Variants in MACROD2 observed in about 807,000 individuals in gnomAD.
MACROD2 encodes ADP-ribose glycohydrolase MACROD2.
Under a neutral mutation model 70.4 loss-of-function variants are expected in MACROD2, and 36 were observed. The observed-to-expected ratio is 0.51, with a 90% confidence interval of 0.39 to 0.68. The LOEUF (loss-of-function observed/expected upper bound fraction) is 0.68, where lower values mean the gene tolerates loss of function less well. Among genes scored for constraint, MACROD2 ranks in the 30% least tolerant of loss-of-function variants. The pLI is 0.00. For synonymous variants in MACROD2, 172 were observed against 178.8 expected, an observed-to-expected ratio of 0.96 and a Z score of 0.30; for missense variants, 496 against 538.4, an observed-to-expected ratio of 0.92 and a Z score of 0.78.
chr20:15,379,211 C>A (rs1025275106), intron 6 of MACROD2, among the ~76,000 whole-genome samples: 2 of 152,112 alleles, frequency 1.3e-5, no homozygotes, highest in Admixed American at 1.3e-4. Flanking sequence ...ATAAATTACA[C>A]AACACCTAAA....
intron 5 of MACROD2, among the ~76,000 whole-genome samples, chr20:14,977,642 A>G (rs2074753634): frequency 6.6e-6 from 1 of 152,030 alleles, no homozygotes; most frequent in African/African-American, 2.4e-5. Context: ...ATGAGAGTCA[A>G]AAGAGATAAC....
In MACROD2 at chr20:15,829,478, C is replaced by T. The variant is rs115538417; in HGVS notation, c.646-33267C>T. 3.8e-3 allele frequency among the ~76,000 whole-genome samples: 573 copies of T among 152,196 alleles called. 2 individuals are homozygous for T. Among genetic ancestry groups the T allele is most frequent in the African/African-American group, 0.011 (463 of 41,530 alleles). ...TCCAGGCCGTAGATACTATAAACTA[C>T]GTGTAATGACAACTGTGATCTCCTG... On this transcript the variant is annotated intron_variant, in intron 8 of 17. Coordinates refer to ENST00000684519, the MANE Select transcript of MACROD2 (RefSeq NM_001351661.2).
intron 3 of MACROD2, among the ~76,000 whole-genome samples, chr20:14,454,730 C>T (rs112821013): frequency 0.018 from 2,665 of 149,516 alleles, 82 homozygotes; most frequent in African/African-American, 0.061. Context: ...ATGGAGTTTC[C>T]TTTTTCTGTC....
chr20:15,242,159 C>A (rs754967111), intron 6 of MACROD2, among the ~76,000 whole-genome samples: 2 of 152,092 alleles, frequency 1.3e-5, no homozygotes, highest in African/African-American at 2.4e-5. Flanking sequence ...GGTATTCTTG[C>A]CATAGCCACA....
At chr20:15,472,758 G>T (rs974861283) in intron 7 of MACROD2, among the ~76,000 whole-genome samples, 3 of 151,852 alleles carry the variant, frequency 2.0e-5, no homozygotes, top group African/African-American at 7.3e-5. Context: ...ATGTTCCAAT[G>T]TTCTTTCCCA....
At chr20:15,806,869 C>T (rs891837172) in intron 8 of MACROD2, among the ~76,000 whole-genome samples, 7 of 152,050 alleles carry the variant, frequency 4.6e-5, no homozygotes, top group East Asian at 3.9e-4. Flanking sequence ...TGAAAGGAGA[C>T]GTTTAGGAAA....
At chr20:15,348,612 G>C (rs1208714802) in intron 6 of MACROD2, among the ~76,000 whole-genome samples, 3 of 152,116 alleles carry the variant, frequency 2.0e-5, no homozygotes, top group African/African-American at 7.2e-5. Context: ...ACATGGCTGG[G>C]GAGGCCTCAC....
At chr20:14,484,938 T>C (rs536061082) in intron 3 of MACROD2, among the ~76,000 whole-genome samples, 2 of 152,340 alleles carry the variant, frequency 1.3e-5, no homozygotes, top group East Asian at 3.9e-4. Flanking sequence ...CTGATTTTCT[T>C]TCTTTGGGGT....
At chr20:14,716,581 T>G (rs2071399418) in intron 5 of MACROD2, among the ~76,000 whole-genome samples, 1 of 152,182 alleles carries the variant, frequency 6.6e-6, no homozygotes, top group South Asian at 2.1e-4. Flanking sequence ...TTTTCCCCTT[T>G]CTTTTGTGGC....
chr20:16,044,633 C>G lies in MACROD2; in HGVS notation c.1294C>G (p.Leu432Val). The stretch of plus-strand genomic sequence containing the variant: ...AACAGAGAGTCAACAAGAAGATCAA[C>G]TAATAGGTAAGATGCCCCTTGTGGT... ...DPTESQQEDQ[L>V]IAGAQDEAKE... Residue 432 changes from leucine (L) to valine (V), a missense_variant, in exon 17 of 18, where the codon CTA (leucine) becomes GTA (valine). Transcript: ENST00000684519. 1 of 1,611,074 alleles carries G rather than the reference C, an allele frequency of 6.2e-7. No individual in the cohort carries two copies. Among genetic ancestry groups the G allele is most frequent in the South Asian group, 1.1e-5 (1 of 90,924 alleles).
chr20:16,005,167 A>C (rs189140661), intron 15 of MACROD2, among the ~76,000 whole-genome samples: 1 of 152,340 alleles, frequency 6.6e-6, no homozygotes, highest in East Asian at 1.9e-4. Context: ...ACAAGGGTTG[A>C]AAAAAGAGCA....
chr20:15,369,765 G>A (rs1309035526), intron 6 of MACROD2, among the ~76,000 whole-genome samples: 1 of 152,098 alleles, frequency 6.6e-6, no homozygotes, highest in Non-Finnish European at 1.5e-5. Context: ...ATTAGAATTA[G>A]GTTCCGATAA....
At chr20:14,750,790 CAG>C (rs1338009583) in intron 5 of MACROD2, among the ~76,000 whole-genome samples, 13 of 151,902 alleles carry the variant, frequency 8.6e-5, no homozygotes, top group Non-Finnish European at 1.9e-4. Context: ...TATAAATAAT[CAG>C]AGTATAACAA....
chr20:15,281,808 A>C (rs1414602022), intron 6 of MACROD2, among the ~76,000 whole-genome samples: 2 of 152,210 alleles, frequency 1.3e-5, no homozygotes, highest in African/African-American at 4.8e-5. Flanking sequence ...TCCATTAGAC[A>C]GTGCCCCAGT....
At chr20:15,295,629 A>ACACACACG (rs1491214441) in intron 6 of MACROD2, among the ~76,000 whole-genome samples, 27 of 145,236 alleles carry the variant, frequency 1.9e-4, no homozygotes, top group Admixed American at 2.7e-4. Flanking sequence ...ACACACACAC[A>ACACACACG]TGCACACACC....
intron 2 of MACROD2, among the ~76,000 whole-genome samples, chr20:14,066,024 G>A (rs2053751897): frequency 6.6e-6 from 1 of 152,234 alleles, no homozygotes; most frequent in Middle Eastern, 3.4e-3. Flanking sequence ...AAGGTCTTTT[G>A]CAAAAGTTCT....
intron 3 of MACROD2, among the ~76,000 whole-genome samples, chr20:14,399,801 T>G (rs917259736): frequency 6.6e-6 from 1 of 152,210 alleles, no homozygotes; most frequent in South Asian, 2.1e-4. Context: ...TTGGATAGTT[T>G]CTGTTGTTGT....
intron 4 of MACROD2, chr20:14,547,394 A>G: frequency 4.4e-6 from 1 of 226,978 alleles, no homozygotes. Context: ...TATCTCTTCC[A>G]GGGTCATAAA....
chr20:14,837,649 T>A (rs956527304), intron 5 of MACROD2, among the ~76,000 whole-genome samples: 1 of 152,052 alleles, frequency 6.6e-6, no homozygotes, highest in Non-Finnish European at 1.5e-5. Context: ...TTAATGATAT[T>A]GACCAGTCAA....
Sources: allele counts gnomAD v4.1 joint callset (sites outside exome capture counted in the v4.1 genomes callset), GRCh38; gene constraint gnomAD v4.1.1; transcripts MANE v1.5; gene names NCBI Gene and HGNC (gene_info 2026-07-23, HGNC 2026-07-21).